ESF1: variants seen among roughly 807,000 people sequenced by gnomAD.
The protein encoded by ESF1 is ESF1 homolog.
A neutral mutation model predicts 92.0 loss-of-function variants in ESF1; 58 were observed. That is an observed-to-expected ratio of 0.63 (90% confidence interval 0.51 to 0.78). The LOEUF (loss-of-function observed/expected upper bound fraction) is 0.78, where lower values mean the gene tolerates loss of function less well. Ranked by LOEUF, ESF1 falls within the 30% of genes least tolerant of loss-of-function variation. ESF1 has a pLI of 0.00. For missense variants in ESF1, 922 were observed against 989.1 expected (o/e 0.93, Z 0.91); for synonymous variants, 321 against 313.7 (o/e 1.02, Z -0.24).
intron 9 of ESF1, among the ~76,000 whole-genome samples, chr20:13,739,866 A>G (rs1358982453): frequency 3.9e-5 from 6 of 152,148 alleles, no homozygotes; most frequent in African/African-American, 1.2e-4. Context: ...GCCAGCACAC[A>G]GAGTTTGAAG....
chr20:13,759,883 A>G, intron 8 of ESF1, 30 bp from the exon 9 acceptor site: 1 of 1,563,142 alleles, frequency 6.4e-7, no homozygotes, highest in Non-Finnish European at 8.6e-7. Flanking sequence ...CTTAATACAC[A>G]GAAACAATTC....
rs1568718507 is a variant in ESF1 at position 13,748,590 on chromosome 20, ATATT to A, written c.1828+11098_1828+11101del. 3.7e-3 allele frequency among the ~76,000 whole-genome samples: 335 copies of A among 90,616 alleles called. 10 individuals are homozygous for A. Among genetic ancestry groups the A allele is most frequent in the African/African-American group, 0.016 (315 of 20,222 alleles). 59.4% of individuals were successfully genotyped at this position (90,616 alleles called of 152,430 possible). On this transcript the variant is annotated intron_variant, in intron 9 of 13. Transcript: ENST00000617257. ...TGTGTGTGTGTATATATATATATATATATTTTTTTTTTTTTGAGATGGAGTGTTG... is the reference window on the plus strand; with the variant it reads ...TGTGTGTGTGTATATATATATATATATTTTTTTTTTTGAGATGGAGTGTTG...
intron 9 of ESF1, among the ~76,000 whole-genome samples, chr20:13,745,262 C>T (rs1160848745): frequency 2.6e-5 from 4 of 152,040 alleles, no homozygotes; most frequent in East Asian, 1.9e-4. Context: ...AAATTCCATG[C>T]GTATCTTCGT....
chr20:13,730,466 C>T (rs1239786368), intron 10 of ESF1, among the ~76,000 whole-genome samples: 1 of 151,420 alleles, frequency 6.6e-6, no homozygotes, highest in Non-Finnish European at 1.5e-5. Context: ...TCACTGCACG[C>T]TCCACCTCCC....
At chr20:13,726,214 T>A (rs1433139547) in intron 11 of ESF1, among the ~76,000 whole-genome samples, 3 of 152,186 alleles carry the variant, frequency 2.0e-5, no homozygotes, top group Non-Finnish European at 2.9e-5. Context: ...TTATGTCTCA[T>A]CTTTGCTTAA....
intron 9 of ESF1, among the ~76,000 whole-genome samples, chr20:13,750,557 A>T (rs1978587242): frequency 6.6e-6 from 1 of 152,166 alleles, no homozygotes; most frequent in Admixed American, 6.5e-5. Context: ...CCTATCCTTT[A>T]CTTGGCTCCA....
rs199605089 is a variant in ESF1, at chr20:13,766,806, T to C, written c.1637A>G (p.Asp546Gly). ...TAGCTCCTCTTCTATCTCCTCTTCA[T>C]CTTCACTAGAGGAAGCTAAGTAGGC... ...FQAYLASSSE[D>G]EEEIEEELQG... The change falls in exon 8 of 14, where the codon GAT (aspartate) becomes GGT (glycine). Residue 546 changes from aspartate to glycine, a missense_variant. Asp to Gly is a moderately conservative substitution (Grantham distance 94). Coordinates refer to ENST00000617257, the MANE Select transcript of ESF1 (RefSeq NM_001276380.2). 40 of 1,613,670 alleles carry C rather than the reference T, an allele frequency of 2.5e-5. No individual in the cohort carries two copies. Among genetic ancestry groups the C allele is most frequent in the Middle Eastern group, 1.7e-4 (1 of 6,044 alleles).
At chr20:13,717,563 C>T in intron 12 of ESF1, 49 bp from the exon 13 acceptor site, 1 of 1,601,386 alleles carries the variant, frequency 6.2e-7, no homozygotes, top group Non-Finnish European at 8.5e-7. Context: ...CTTTTTTTTC[C>T]ACCCCCAAAA....
intron 9 of ESF1, among the ~76,000 whole-genome samples, chr20:13,748,323 G>C (rs1978372855): frequency 6.6e-6 from 1 of 151,764 alleles, no homozygotes; most frequent in South Asian, 2.1e-4. Context: ...GTAGTATTGT[G>C]TGTGAAGCAT....
chr20:13,769,885 A>T, intron 7 of ESF1, 22 bp downstream of exon 7: 1 of 1,464,562 alleles, frequency 6.8e-7, no homozygotes, highest in Non-Finnish European at 9.6e-7. Context: ...CCAGCTACAT[A>T]TTTTTTAAAG....
At chr20:13,749,664 C>G (rs1351114410) in intron 9 of ESF1, among the ~76,000 whole-genome samples, 1 of 152,060 alleles carries the variant, frequency 6.6e-6, no homozygotes, top group African/African-American at 2.4e-5. Context: ...TTGCCGGGTT[C>G]AAGAGATTCT....
At chr20:13,750,854 C>T (rs924716546) in intron 9 of ESF1, among the ~76,000 whole-genome samples, 3 of 151,830 alleles carry the variant, frequency 2.0e-5, no homozygotes, top group Admixed American at 6.6e-5. Flanking sequence ...TAGTGGCACA[C>T]ACCTGTGGCC....
chr20:13,753,825 G>A (rs1024365507), intron 9 of ESF1, among the ~76,000 whole-genome samples: 19 of 152,114 alleles, frequency 1.2e-4, no homozygotes, highest in African/African-American at 4.3e-4. Context: ...TTATGCCTGA[G>A]GTTGCAATTT....
At chr20:13,765,714 G>A (rs1297132794) in intron 8 of ESF1, among the ~76,000 whole-genome samples, 1 of 152,090 alleles carries the variant, frequency 6.6e-6, no homozygotes, top group Non-Finnish European at 1.5e-5. Flanking sequence ...CAGAAGCCAG[G>A]GAACCTAAGC....
intron 8 of ESF1, among the ~76,000 whole-genome samples, chr20:13,764,983 G>A (rs1182991396): frequency 1.3e-5 from 2 of 152,032 alleles, no homozygotes; most frequent in African/African-American, 4.8e-5. Flanking sequence ...AGCACTCTGG[G>A]AAGCTGAGGC....
intron 9 of ESF1, among the ~76,000 whole-genome samples, chr20:13,747,192 G>T (rs1173303006): frequency 6.6e-6 from 1 of 151,894 alleles, no homozygotes; most frequent in African/African-American, 2.4e-5. Flanking sequence ...TAATTAACTG[G>T]CTACTTCATT....
At chr20:13,742,028 G>T (rs1472595354) in intron 9 of ESF1, among the ~76,000 whole-genome samples, 1 of 152,132 alleles carries the variant, frequency 6.6e-6, no homozygotes, top group African/African-American at 2.4e-5. Flanking sequence ...TGCAAATCAA[G>T]TACTGCTGGT....
At chr20:13,718,456 G>A (rs1290415340) in intron 12 of ESF1, among the ~76,000 whole-genome samples, 1 of 152,162 alleles carries the variant, frequency 6.6e-6, no homozygotes, top group Admixed American at 6.5e-5. Context: ...TTCCAAGAAT[G>A]TAATTTTGTA....
At chr20:13,761,573 T>C (rs1979204589) in intron 8 of ESF1, among the ~76,000 whole-genome samples, 1 of 152,154 alleles carries the variant, frequency 6.6e-6, no homozygotes, top group Non-Finnish European at 1.5e-5. Flanking sequence ...ATAAAGGCAG[T>C]TGTTTATAAT....
Sources: gnomAD v4.1 joint callset for allele counts (sites outside exome capture counted in the v4.1 genomes callset) on GRCh38, gnomAD v4.1.1 for gene constraint, MANE v1.5 for transcripts, NCBI Gene and HGNC (gene_info 2026-07-23, HGNC 2026-07-21) for gene names.